Variants in HROB observed in about 807,000 individuals in gnomAD.
HROB encodes homologous recombination OB-fold protein.
In HROB, 44 loss-of-function variants were observed where a neutral mutation model predicts 61.0. The observed-to-expected ratio is 0.72, with a 90% CI of 0.57 to 0.93. The LOEUF (loss-of-function observed/expected upper bound fraction) is 0.93. Among genes scored for constraint, HROB ranks in the 40% least tolerant of loss-of-function variants. HROB has a pLI of 0.00. For missense variants in HROB, 716 were observed against 796.2 expected, an observed-to-expected ratio of 0.90 and a Z score of 1.21; for synonymous variants, 301 against 310.4, an observed-to-expected ratio of 0.97 and a Z score of 0.32.
At chr17:44,150,121 G>A (rs1056125325) in intron 3 of HROB, among the ~76,000 whole-genome samples, 1 of 152,152 alleles carries the variant, frequency 6.6e-6, no homozygotes, top group Non-Finnish European at 1.5e-5. Context: ...GCCCTGGTGA[G>A]ACTTGGATTA....
intron 8 of HROB, among the ~76,000 whole-genome samples, chr17:44,156,672 T>A (rs1056483992): frequency 8.6e-5 from 13 of 151,336 alleles, no homozygotes; most frequent in Middle Eastern, 3.4e-3. Context: ...TTTATTTATT[T>A]TTTTTTTTTG....
chr17:44,145,531 A>G (rs541859904), intron 2 of HROB, among the ~76,000 whole-genome samples: 19 of 152,328 alleles, frequency 1.2e-4, no homozygotes, highest in South Asian at 8.3e-4. Flanking sequence ...ATTCACCTCT[A>G]TGATAACATA....
intron 3 of HROB, 64 bp downstream of exon 3, chr17:44,149,091 C>T: frequency 6.9e-7 from 1 of 1,442,820 alleles, no homozygotes; most frequent in Non-Finnish European, 9.4e-7. Context: ...CAGCACTGTC[C>T]AGCCCTAGCA....
At chr17:44,153,142 A>G (rs944960914) in intron 5 of HROB, among the ~76,000 whole-genome samples, 1 of 152,174 alleles carries the variant, frequency 6.6e-6, no homozygotes, top group African/African-American at 2.4e-5. Context: ...AACATTGTGT[A>G]AACACATATA....
intron 3 of HROB, among the ~76,000 whole-genome samples, chr17:44,150,407 T>TA (rs1163268747): frequency 7.2e-6 from 1 of 137,960 alleles, no homozygotes; most frequent in South Asian, 2.2e-4. Flanking sequence ...TTTTTTTTTT[T>TA]AAGACAGAGT....
rs754379355 is a variant in HROB at position 44,148,990 on chromosome 17, G to A, written c.1187G>A (p.Arg396His). 7.7e-5 allele frequency: 125 copies of A among 1,613,884 alleles called. 1 individual carries two copies. In the South Asian group the frequency reaches 1.3e-3, roughly 17 times the overall value. The change falls in exon 3 of 10, where the codon CGC (arginine) becomes CAC (histidine). Residue 396 changes from arginine to histidine, a missense_variant. Coordinates refer to ENST00000585683, the MANE Select transcript of HROB (RefSeq NM_001171251.3). ...CATCCCTCCACCCGAGCCAAAACTCGCCGTTTCCCTGGCCCAGCTGGGATC... is the reference window on the plus strand; with the variant it reads ...CATCCCTCCACCCGAGCCAAAACTCACCGTTTCCCTGGCCCAGCTGGGATC... ...PTHPSTRAKT[R>H]RFPGPAGILP...
chr17:44,153,253 C>T (rs1165829544), intron 5 of HROB, among the ~76,000 whole-genome samples: 3 of 151,642 alleles, frequency 2.0e-5, no homozygotes, highest in East Asian at 1.9e-4. Flanking sequence ...CGAGACCAGC[C>T]TGGGCAACAA....
intron 2 of HROB, 36 bp from the exon 3 acceptor site, chr17:44,147,822 C>G (rs146523777): frequency 6.4e-7 from 1 of 1,565,234 alleles, no homozygotes; most frequent in East Asian, 2.3e-5. Flanking sequence ...TCTTGATTTC[C>G]AGATGCCAAG....
chr17:44,156,389 C>CT (rs2053970045), intron 8 of HROB, among the ~76,000 whole-genome samples: 2 of 152,054 alleles, frequency 1.3e-5, no homozygotes. Context: ...CCAACTAAAT[C>CT]TTTTTGTATT....
chr17:44,155,262 G>A, intron 7 of HROB, 24 bp from the exon 8 acceptor site: 1 of 1,613,258 alleles, frequency 6.2e-7, no homozygotes, highest in Non-Finnish European at 8.5e-7. Flanking sequence ...TCAGGACACT[G>A]ACCTTCCCTT....
At position 44,148,112 on chromosome 17, in the gene HROB, T is replaced by C. The variant is rs779945565; in HGVS notation, c.309T>C (p.Pro103=). The change falls in exon 3 of 10, where the codon CCT becomes CCC. Residue 103 remains proline (P), a synonymous_variant. Transcript: ENST00000585683. ...GCATAGGAGCAGCTCCCCTAAGGCC[T>C]GTCTCTACTTCCAGCAGCTGGATTG... ...PSCIGAAPLR[P]VSTSSSWIGN... 3 of 1,614,204 alleles carry C rather than the reference T, an allele frequency of 1.9e-6. No homozygotes were observed. The South Asian group carries it at 3.3e-5, about 18-fold the overall frequency.
intron 1 of HROB, among the ~76,000 whole-genome samples, chr17:44,142,939 G>C (rs1369471214): frequency 1.3e-5 from 2 of 151,690 alleles, no homozygotes; most frequent in African/African-American, 4.8e-5. Context: ...ACCTGTTTTT[G>C]TTTGTTTGTT....
intron 3 of HROB, 51 bp downstream of exon 3, chr17:44,149,078 T>A: frequency 6.6e-7 from 1 of 1,524,868 alleles, no homozygotes. Flanking sequence ...AGAAGCAGGG[T>A]TCCAGCACTG....
At chr17:44,149,712 T>A (rs1289007587) in intron 3 of HROB, among the ~76,000 whole-genome samples, 1 of 152,246 alleles carries the variant, frequency 6.6e-6, no homozygotes, top group Non-Finnish European at 1.5e-5. Context: ...GTCATTCTTG[T>A]GCATTTGTTA....
Position 44,147,976 on chromosome 17 carries a change from C to A in HROB, c.173C>A (p.Ser58Tyr). 1 of 1,614,060 alleles carries A rather than the reference C, an allele frequency of 6.2e-7. No individual in the cohort carries two copies. The highest frequency in any genetic ancestry group is 1.7e-5 in the Admixed American group (1 of 60,016). The stretch of plus-strand genomic sequence containing the variant: ...CAGGAGACTGTGCAGGCACAGTCCT[C>A]CAGGCTGCTGCTGTTACACCCCACT... The part of the protein sequence containing the change: ...RPQETVQAQS[S>Y]RLLLLHPTAP... The change falls in exon 3 of 10, where the codon TCC (serine) becomes TAC (tyrosine). Residue 58 changes from serine to tyrosine, a missense_variant. Ser to Tyr is a moderately radical substitution (Grantham distance 144). Transcript: ENST00000585683.
chr17:44,155,107 ATTC>A (rs1182079752), intron 7 of HROB, among the ~76,000 whole-genome samples, 169 bp downstream of exon 7: 1 of 152,122 alleles, frequency 6.6e-6, no homozygotes, highest in African/African-American at 2.4e-5. Flanking sequence ...GCTGGCCCCC[ATTC>A]TTCAGGGTGG....
Position 44,161,957 on chromosome 17 carries a change from AC to A in HROB, c.*27del. 1 of 1,609,188 alleles carries A rather than the reference AC, an allele frequency of 6.2e-7. No homozygotes were observed. Among genetic ancestry groups the A allele is most frequent in the Non-Finnish European group, 8.5e-7 (1 of 1,175,596 alleles). On this transcript the variant is annotated 3_prime_UTR_variant, in exon 10 of 10. Coordinates refer to ENST00000585683, the MANE Select transcript of HROB (RefSeq NM_001171251.3). ...AGACTGCCCCAACGCAGGACAACCCACCATGAGCAGGCAGCTCTGGGCATGT... is the reference window on the plus strand; with the variant it reads ...AGACTGCCCCAACGCAGGACAACCCACATGAGCAGGCAGCTCTGGGCATGT...
intron 1 of HROB, among the ~76,000 whole-genome samples, chr17:44,142,977 C>T (rs1249789835): frequency 1.3e-5 from 2 of 152,096 alleles, no homozygotes; most frequent in Admixed American, 6.6e-5. Context: ...CACTCTGTGG[C>T]CCAGGCTGAA....
intron 2 of HROB, among the ~76,000 whole-genome samples, chr17:44,146,760 G>C (rs952061337): frequency 6.6e-6 from 1 of 151,534 alleles, no homozygotes; most frequent in Non-Finnish European, 1.5e-5. Context: ...AATACACAAA[G>C]CAGGAAAAAG....
Sources: allele counts gnomAD v4.1 joint callset (sites outside exome capture counted in the v4.1 genomes callset), GRCh38; gene constraint gnomAD v4.1.1; transcripts MANE v1.5; gene names NCBI Gene and HGNC (gene_info 2026-07-23, HGNC 2026-07-21).